Variants in SORL1 observed in about 807,000 individuals in gnomAD.
SORL1 encodes sortilin related receptor 1.
Under a neutral mutation model 273.7 loss-of-function variants are expected in SORL1, and 127 were observed. The ratio of observed to expected loss-of-function variants is 0.46; its 90% CI spans 0.40 to 0.54. SORL1 has a LOEUF of 0.54. Among genes scored for constraint, SORL1 ranks in the 20% least tolerant of loss-of-function variants. The probability of loss-of-function intolerance (pLI) is 0.00; values close to 1 mark genes in which losing one functional copy is unlikely to be tolerated. For missense variants in SORL1, 2,494 were observed against 2,846.1 expected (o/e 0.88, Z 2.81); for synonymous variants, 1,031 against 1,067.4 (o/e 0.97, Z 0.66).
At chr11:121,573,577 C>T (rs2134932094) in intron 23 of SORL1, among the ~76,000 whole-genome samples, 1 of 152,320 alleles carries the variant, frequency 6.6e-6, no homozygotes, top group South Asian at 2.1e-4. Context: ...TGCGCCACTG[C>T]ACTCCAGCCT....
chr11:121,536,071 C>A (rs183775423), intron 12 of SORL1, among the ~76,000 whole-genome samples: 18 of 152,328 alleles, frequency 1.2e-4, no homozygotes, highest in Admixed American at 1.2e-3. Flanking sequence ...ATTTCTGTTT[C>A]TTCGCTGCGG....
intron 12 of SORL1, among the ~76,000 whole-genome samples, chr11:121,533,482 C>A (rs1329950076): frequency 6.6e-6 from 1 of 152,154 alleles, no homozygotes; most frequent in Non-Finnish European, 1.5e-5. Context: ...CTGATTTTAT[C>A]AGAACCAGTC....
chr11:121,468,660 ATCTGC>A (rs1175534308), intron 1 of SORL1, among the ~76,000 whole-genome samples: 1 of 152,082 alleles, frequency 6.6e-6, no homozygotes, highest in African/African-American at 2.4e-5. Flanking sequence ...ACCTCAGGTG[ATCTGC>A]CCGCCTTGGC....
At position 121,554,140 on chromosome 11, in the gene SORL1, C is replaced by T. The variant is rs202036211; in HGVS notation, c.2439+31C>T. The T allele has an allele frequency of 1.9e-6, 3 of 1,603,100 alleles. No homozygotes were observed. The highest frequency in any genetic ancestry group is 2.2e-5 in the East Asian group (1 of 44,734). On this transcript the variant is annotated intron_variant, in intron 17 of 47. Coordinates refer to ENST00000260197, the MANE Select transcript of SORL1 (RefSeq NM_003105.6). This position sits in a 1 kb window ranked among gnomAD's most constrained non-coding sequence, Gnocchi z 4.6. ...TCAGCGCTTGGTCTGACTGTGGGAG[C>T]TGTGCATCGTGACTGCCCTGTCCTG...
intron 12 of SORL1, among the ~76,000 whole-genome samples, chr11:121,539,367 AT>A (rs1270799448): frequency 2.0e-5 from 3 of 152,198 alleles, no homozygotes; most frequent in Non-Finnish European, 4.4e-5. Flanking sequence ...TTCATAATCC[AT>A]TCTTGAAACC....
intron 1 of SORL1, among the ~76,000 whole-genome samples, chr11:121,456,289 G>C (rs1003567388): frequency 4.6e-5 from 7 of 152,196 alleles, no homozygotes; most frequent in African/African-American, 7.2e-5. Context: ...TTACTGCCTT[G>C]TGTTAGAATT....
intron 1 of SORL1, among the ~76,000 whole-genome samples, chr11:121,466,276 C>T (rs1393012338): frequency 2.0e-5 from 3 of 152,160 alleles, no homozygotes; most frequent in African/African-American, 7.2e-5. Flanking sequence ...CACCCTCCCA[C>T]CCACTCCCAG....
chr11:121,608,529 C>T (rs1041616115), intron 38 of SORL1: 8 of 240,620 alleles, frequency 3.3e-5, no homozygotes, highest in South Asian at 1.3e-4. Context: ...TGTTCACTTA[C>T]GGGGTTTTAA....
intron 41 of SORL1, among the ~76,000 whole-genome samples, chr11:121,618,253 A>G (rs79845595): frequency 0.017 from 2,548 of 152,278 alleles, 69 homozygotes; most frequent in African/African-American, 0.057. Flanking sequence ...GAAGAAAGGG[A>G]GGATGGGTAC....
At chr11:121,558,861 A>G (rs192543031) in intron 20 of SORL1, 24 bp downstream of exon 20, 30 of 1,613,358 alleles carry the variant, frequency 1.9e-5, no homozygotes, top group South Asian at 1.6e-4. Context: ...TTGCTGCCGG[A>G]CAGTCTGCTA....
chr11:121,485,695 C>T (rs1450995908), intron 3 of SORL1, among the ~76,000 whole-genome samples: 1 of 152,176 alleles, frequency 6.6e-6, no homozygotes, highest in East Asian at 1.9e-4. Flanking sequence ...AGGATGCTTC[C>T]TTCCCCAATA....
intron 24 of SORL1, among the ~76,000 whole-genome samples, 181 bp downstream of exon 24, chr11:121,574,544 G>A (rs1488324963): frequency 1.3e-5 from 2 of 152,188 alleles, no homozygotes; most frequent in African/African-American, 4.8e-5. Flanking sequence ...CATTCTTAAA[G>A]AGTTTGTTTG....
chr11:121,482,011 C>T (rs1861397772), intron 3 of SORL1, among the ~76,000 whole-genome samples: 1 of 152,246 alleles, frequency 6.6e-6, no homozygotes, highest in South Asian at 2.1e-4. Flanking sequence ...TCCCCAGCTT[C>T]TTCCATAGTA....
At chr11:121,531,477 G>A (rs1862202043) in intron 11 of SORL1, among the ~76,000 whole-genome samples, 1 of 152,184 alleles carries the variant, frequency 6.6e-6, no homozygotes, top group Non-Finnish European at 1.5e-5. Flanking sequence ...TTTGAGAATT[G>A]GACACATCTT....
intron 1 of SORL1, 90 bp from the exon 2 acceptor site, chr11:121,469,917 C>T: frequency 1.1e-6 from 1 of 941,686 alleles, no homozygotes; most frequent in South Asian, 1.3e-5. Flanking sequence ...TTCATCATTT[C>T]TGCTTGACAA....
rs1862406331 is a variant in SORL1 at position 121,545,132 on chromosome 11, T to C, written c.1865-111T>C. On this transcript the variant is annotated intron_variant, in intron 13 of 47. Transcript: ENST00000260197. ...TTGGAGGGTCTGTGTGCTTGCGGGGTGGCAACAGATAGACAGGAAGTGGGG... is the reference window on the plus strand; with the variant it reads ...TTGGAGGGTCTGTGTGCTTGCGGGGCGGCAACAGATAGACAGGAAGTGGGG... 7 of 921,954 alleles carry C rather than the reference T, an allele frequency of 7.6e-6. No homozygotes were observed. The South Asian group carries it at 1.1e-4, about 14-fold the overall frequency. The allele number at this position is 921,954 out of a possible 1,614,324, so 57.1% of individuals were successfully genotyped here. A position where few individuals can be genotyped will look rare whatever the true frequency, so the allele number is the denominator to read the frequency against.
chr11:121,517,981 T>C (rs1247685175), intron 8 of SORL1, among the ~76,000 whole-genome samples: 1 of 152,222 alleles, frequency 6.6e-6, no homozygotes, highest in East Asian at 1.9e-4. Flanking sequence ...GAACTGCTTC[T>C]GATTTACTCA....
intron 25 of SORL1, among the ~76,000 whole-genome samples, chr11:121,578,885 C>G (rs1862974172): frequency 6.6e-6 from 1 of 152,212 alleles, no homozygotes; most frequent in African/African-American, 2.4e-5. Flanking sequence ...AAAGCATGGT[C>G]TGCAGAAGGA....
Position 121,577,271 on chromosome 11 carries a change from T to C in SORL1, c.3461-10T>C, listed in dbSNP as rs754083842. The C allele has an allele frequency of 6.3e-7, 1 of 1,576,014 alleles. No homozygotes were observed. The highest frequency in any genetic ancestry group is 8.6e-7 in the Non-Finnish European group (1 of 1,162,924). ...TGTCCTCACCTCTCTGTTTATGGTC[T>C]CACCTGCAGAAATGCACCAGTGCCG... On this transcript the variant is annotated splice_polypyrimidine_tract_variant and intron_variant, in intron 24 of 47. Transcript: ENST00000260197.
Sources: gnomAD v4.1 joint callset for allele counts (sites outside exome capture counted in the v4.1 genomes callset) on GRCh38, gnomAD v4.1.1 for gene constraint, Gnocchi (gnomAD v3.1) non-coding constraint, MANE v1.5 for transcripts, NCBI Gene and HGNC (gene_info 2026-07-23, HGNC 2026-07-21) for gene names.